RC3H2: variants seen among roughly 807,000 people sequenced by gnomAD.
RC3H2 encodes ring finger and CCCH-type domains 2, also known as roquin-2.
RC3H2 carries 31 observed loss-of-function variants against 133.3 expected under a neutral mutation model. The observed-to-expected ratio is 0.23, with a 90% confidence interval of 0.17 to 0.31. The LOEUF (loss-of-function observed/expected upper bound fraction) is 0.31, where lower values mean the gene tolerates loss of function less well. RC3H2 is among the 10% of genes least tolerant of loss of function. The pLI is 1.00. For missense variants in RC3H2, 1,175 were observed against 1,437.2 expected (o/e 0.82, Z 2.95); for synonymous variants, 517 against 502.2 (o/e 1.03, Z -0.40).
intron 5 of RC3H2, among the ~76,000 whole-genome samples, chr9:122,882,143 G>A (rs1831672753): frequency 6.6e-6 from 1 of 151,854 alleles, no homozygotes; most frequent in Non-Finnish European, 1.5e-5. Context: ...ATTATCATCA[G>A]GGTATTTACA....
At chr9:122,902,860 A>C (rs1832708670) in intron 1 of RC3H2, among the ~76,000 whole-genome samples, 1 of 152,050 alleles carries the variant, frequency 6.6e-6, no homozygotes. Context: ...AAAAAAAAAA[A>C]AAAAAAGTTA....
At chr9:122,859,496 G>A (rs1289874245) in intron 11 of RC3H2, among the ~76,000 whole-genome samples, 2 of 152,038 alleles carry the variant, frequency 1.3e-5, no homozygotes, top group African/African-American at 4.8e-5. Flanking sequence ...CAGACGGATG[G>A]TAAATATCCT....
intron 18 of RC3H2, chr9:122,853,715 G>T: frequency 9.2e-7 from 1 of 1,081,434 alleles, no homozygotes; most frequent in Non-Finnish European, 1.3e-6. Context: ...TCGTGCCATT[G>T]CACTCCAGGC....
At chr9:122,890,238 T>G in intron 4 of RC3H2, 74 bp downstream of exon 4, 1 of 1,041,776 alleles carries the variant, frequency 9.6e-7, no homozygotes, top group Non-Finnish European at 1.5e-6. Flanking sequence ...GTCTCAGGAT[T>G]CACCGAGCTC....
At chr9:122,858,230 T>C (rs1219772210) in intron 12 of RC3H2, 137 bp from the exon 13 acceptor site, 13 of 717,856 alleles carry the variant, frequency 1.8e-5, no homozygotes, top group Non-Finnish European at 4.5e-6. Flanking sequence ...TAGTCTATTC[T>C]CCATACACTT....
intron 1 of RC3H2, among the ~76,000 whole-genome samples, chr9:122,898,476 G>A (rs965078683): frequency 2.6e-5 from 4 of 152,142 alleles, no homozygotes; most frequent in African/African-American, 4.8e-5. Flanking sequence ...CCTGCTGGGC[G>A]TGGTGGCTCA....
intron 2 of RC3H2, among the ~76,000 whole-genome samples, chr9:122,894,123 G>A (rs1031903384): frequency 6.6e-6 from 1 of 152,006 alleles, no homozygotes; most frequent in African/African-American, 2.4e-5. Flanking sequence ...GCCGGGCGTG[G>A]TGGCGGGCAC....
intron 1 of RC3H2, among the ~76,000 whole-genome samples, chr9:122,900,395 T>G (rs1832610001): frequency 6.6e-6 from 1 of 152,158 alleles, no homozygotes; most frequent in African/African-American, 2.4e-5. Flanking sequence ...TTCAGTAATA[T>G]TATCAGTAAA....
In RC3H2 at chr9:122,897,310, T is replaced by C; in HGVS notation, c.200A>G (p.Asn67Ser). 1 of 1,614,120 alleles carries C rather than the reference T, an allele frequency of 6.2e-7. No homozygotes were observed. Among genetic ancestry groups the C allele is most frequent in the Non-Finnish European group, 8.5e-7 (1 of 1,179,964 alleles). Residue 67 changes from asparagine to serine, a missense_variant, in exon 2 of 21, where the codon AAC becomes AGC. Physicochemically the swap from Asn to Ser is conservative, Grantham distance 46. Around this residue, in one of 8 missense-constraint regions of RC3H2, gnomAD observed 41 missense variants for 88.0 expected, o/e 0.47. Transcript: ENST00000357244. ...TCCAACTAACTGGAGAAGTGCGAAGTTGACAGGAAGTACATCAATATCTGT... is the reference window on the plus strand; with the variant it reads ...TCCAACTAACTGGAGAAGTGCGAAGCTGACAGGAAGTACATCAATATCTGT... ...INTDIDVLPV[N>S]FALLQLVGAQ... is the part of the protein sequence containing the mutation.
chr9:122,872,050 T>C (rs978968108), intron 9 of RC3H2, among the ~76,000 whole-genome samples: 1 of 152,178 alleles, frequency 6.6e-6, no homozygotes, highest in Non-Finnish European at 1.5e-5. Context: ...AGTATTGGAA[T>C]TACAGGCGTG....
intron 4 of RC3H2, among the ~76,000 whole-genome samples, chr9:122,884,338 A>G (rs2131470212): frequency 6.6e-6 from 1 of 152,282 alleles, no homozygotes; most frequent in Admixed American, 6.5e-5. Flanking sequence ...AATGATATGC[A>G]AAGGACCCAC....
chr9:122,878,874 C>G (rs1321607450), intron 8 of RC3H2, among the ~76,000 whole-genome samples: 4 of 150,688 alleles, frequency 2.7e-5, no homozygotes, highest in Non-Finnish European at 4.4e-5. Flanking sequence ...TCAGCCGTCT[C>G]AGTAGTTGGG....
Position 122,881,826 on chromosome 9 carries a change from A to C in RC3H2, c.760-1032T>G, listed in dbSNP as rs146009992. Among the ~76,000 whole-genome samples, 54 of 152,328 alleles carry C rather than the reference A, an allele frequency of 3.5e-4. No individual in the cohort carries two copies. In the East Asian group the frequency reaches 9.6e-3, roughly 27 times the overall value. On this transcript the variant is annotated intron_variant, in intron 5 of 20. Transcript: ENST00000357244. The stretch of plus-strand genomic sequence containing the variant: ...AGGTATAAACCACTGCACAGAGCTG[A>C]TTGAGGATTTTTAAGCATAGAAGTG...
At chr9:122,856,429 A>G (rs1654011748) in intron 13 of RC3H2, among the ~76,000 whole-genome samples, 1 of 152,092 alleles carries the variant, frequency 6.6e-6, no homozygotes, top group Admixed American at 6.5e-5. Context: ...ATCTTTTTGT[A>G]TTTTTAGTAG....
rs1564284611 is a variant in RC3H2 at position 122,855,322 on chromosome 9, T to C, written c.2677A>G (p.Ile893Val). 3 of 1,614,132 alleles carry C rather than the reference T, an allele frequency of 1.9e-6. No homozygotes were observed. Among genetic ancestry groups the C allele is most frequent in the East Asian group, 2.2e-5 (1 of 44,884 alleles). ...ATGGGTCCATCACTAAAGGGAATTA[T>C]TGGATCTTCTTCTTTTGTCCTTCTC... ...TQRRTKEEDP[I>V]IPFSDGPIIS... The change falls in exon 15 of 21, where the codon ATA becomes GTA. Residue 893 changes from isoleucine to valine, a missense_variant. By Grantham distance (29) the Ile-to-Val change is conservative. Around this residue, in one of 8 missense-constraint regions of RC3H2, gnomAD observed 138 missense variants for 215.0 expected, o/e 0.64. Transcript: ENST00000357244.
At chr9:122,869,432 C>T (rs1199463658) in intron 9 of RC3H2, among the ~76,000 whole-genome samples, 1 of 152,096 alleles carries the variant, frequency 6.6e-6, no homozygotes, top group Non-Finnish European at 1.5e-5. Context: ...TTCTCTTCTC[C>T]TTCTCTTTAA....
At chr9:122,901,155 A>C (rs1372138707) in intron 1 of RC3H2, among the ~76,000 whole-genome samples, 3 of 152,362 alleles carry the variant, frequency 2.0e-5, no homozygotes, top group Non-Finnish European at 2.9e-5. Flanking sequence ...ATATATGTAT[A>C]CATCATTTTA....
Position 122,854,006 on chromosome 9 carries a change from G to A in RC3H2, c.3063C>T (p.Gly1021=), listed in dbSNP as rs1337112412. Residue 1021 remains glycine (G), a synonymous_variant, in exon 18 of 21, where the codon GGC becomes GGT. Transcript: ENST00000357244. ...MQQKWNSLDE[G]RHLTLNLLSK... is the part of the protein sequence containing the mutation. The stretch of plus-strand genomic sequence containing the variant: ...TTAAAAGGTTTAAGGTAAGGTGACG[G>A]CCTTCATCCAGGGAATTCCACTTCT... 1.9e-6 allele frequency: 3 copies of A among 1,614,194 alleles called. No homozygotes were observed. The highest frequency in any genetic ancestry group is 2.5e-6 in the Non-Finnish European group (3 of 1,180,032).
intron 9 of RC3H2, among the ~76,000 whole-genome samples, chr9:122,876,145 A>G (rs546378325): frequency 1.3e-5 from 2 of 152,326 alleles, no homozygotes; most frequent in South Asian, 4.1e-4. Context: ...TTTTTGACTG[A>G]TTAAGCAGAA....
Sources: gnomAD v4.1 joint callset for allele counts (sites outside exome capture counted in the v4.1 genomes callset) on GRCh38, gnomAD v4.1.1 for gene constraint, gnomAD v4.1.1 regional missense constraint, MANE v1.5 for transcripts, NCBI Gene and HGNC (gene_info 2026-07-23, HGNC 2026-07-21) for gene names.